The following FHIP2A variants were observed in gnomAD, a reference collection of about 807,000 sequenced individuals.
FHIP2A encodes FHF complex subunit HOOK interacting protein 2A.
FHIP2A carries 46 observed loss-of-function variants against 93.5 expected under a neutral mutation model. That is an observed-to-expected ratio of 0.49 (90% CI 0.39 to 0.63). The LOEUF is 0.63. Ranked by LOEUF, FHIP2A falls within the 20% of genes least tolerant of loss-of-function variation. The pLI is 0.00. For synonymous variants in FHIP2A, 332 were observed against 326.5 expected, an observed-to-expected ratio of 1.02 and a Z score of -0.18; for missense variants, 769 against 909.7, an observed-to-expected ratio of 0.85 and a Z score of 1.99.
intron 12 of FHIP2A, 108 bp from the exon 13 acceptor site, chr10:114,848,536 GTTA>G (rs1484899542): frequency 1.4e-5 from 9 of 654,976 alleles, no homozygotes; most frequent in Middle Eastern, 5.0e-4. Context: ...TACTTATAAA[GTTA>G]TTATTGAATT....
At chr10:114,892,368 CG>C (rs1255532977) in intron 16 of FHIP2A, among the ~76,000 whole-genome samples, 1 of 152,006 alleles carries the variant, frequency 6.6e-6, no homozygotes, top group Non-Finnish European at 1.5e-5. Context: ...TAATGAAGAC[CG>C]GGTGCGGTGG....
At chr10:114,875,700 AAAAG>A (rs1050541452) in intron 16 of FHIP2A, among the ~76,000 whole-genome samples, 30 of 151,726 alleles carry the variant, frequency 2.0e-4, no homozygotes, top group East Asian at 5.8e-4. Context: ...TCGAAAGAAA[AAAAG>A]AAAGAAAGAG....
chr10:114,870,040 C>G (rs2083849617), intron 16 of FHIP2A, among the ~76,000 whole-genome samples: 1 of 152,136 alleles, frequency 6.6e-6, no homozygotes, highest in African/African-American at 2.4e-5. Flanking sequence ...CTGGGCTGAG[C>G]ATTTTAATAT....
intron 16 of FHIP2A, among the ~76,000 whole-genome samples, chr10:114,884,206 G>A (rs1262832933): frequency 1.3e-5 from 2 of 152,156 alleles, no homozygotes; most frequent in Non-Finnish European, 2.9e-5. Flanking sequence ...AGGGAGATGG[G>A]ATGTGTATAA....
At chr10:114,851,557 T>C (rs571324560) in intron 13 of FHIP2A, among the ~76,000 whole-genome samples, 2 of 152,180 alleles carry the variant, frequency 1.3e-5, no homozygotes, top group East Asian at 1.9e-4. Context: ...CCTGTCCTTA[T>C]CCCAGCACCA....
rs531953927 is a variant in FHIP2A, at chr10:114,862,823, A to T, written c.*1283A>T. ...GCAGCACTTTCTTCTTCATCTTTCC[A>T]TTTACTGATATTTGGGGGAACAGGC... On this transcript the variant is annotated 3_prime_UTR_variant, in exon 17 of 17. Transcript: ENST00000369248. 2.0e-6 allele frequency: 2 copies of T among 985,252 alleles called. No individual in the cohort carries two copies. The highest frequency in any genetic ancestry group is 2.4e-6 in the Non-Finnish European group (2 of 829,878). 61.0% of individuals were successfully genotyped at this position (985,252 alleles called of 1,614,324 possible). A position where few individuals can be genotyped will look rare whatever the true frequency, so the allele number is the denominator to read the frequency against.
At chr10:114,892,191 T>G (rs954115958) in intron 16 of FHIP2A, among the ~76,000 whole-genome samples, 1 of 152,184 alleles carries the variant, frequency 6.6e-6, no homozygotes, top group African/African-American at 2.4e-5. Context: ...GTTTAAATTT[T>G]TATCTTTCTG....
chr10:114,842,105 T>C (rs1269327370), intron 5 of FHIP2A, among the ~76,000 whole-genome samples: 1 of 152,140 alleles, frequency 6.6e-6, no homozygotes, highest in African/African-American at 2.4e-5. Flanking sequence ...GTGCCCAGGC[T>C]GGAGTGCAGT....
intron 13 of FHIP2A, among the ~76,000 whole-genome samples, chr10:114,850,447 T>C (rs2083727881): frequency 1.3e-5 from 2 of 152,210 alleles, no homozygotes; most frequent in African/African-American, 4.8e-5. Context: ...GTCTCACACC[T>C]GTAACCCCAG....
chr10:114,890,466 T>C (rs1350786513), intron 16 of FHIP2A, among the ~76,000 whole-genome samples: 1 of 148,394 alleles, frequency 6.7e-6, no homozygotes, highest in Non-Finnish European at 1.5e-5. Flanking sequence ...TATATTTGCA[T>C]ATATTATATA....
At chr10:114,827,691 G>T (rs1253935067) in intron 1 of FHIP2A, among the ~76,000 whole-genome samples, 2 of 151,898 alleles carry the variant, frequency 1.3e-5, no homozygotes, top group Non-Finnish European at 2.9e-5. Context: ...CAGCTACTCG[G>T]GAGGCTGAGG....
At chr10:114,846,530 C>T in intron 10 of FHIP2A, 29 bp from the exon 11 acceptor site, 1 of 1,548,700 alleles carries the variant, frequency 6.5e-7, no homozygotes, top group Non-Finnish European at 8.7e-7. Flanking sequence ...AGACATTTTT[C>T]AGTTAGCTTT....
chr10:114,871,412 T>C (rs1482559046), intron 16 of FHIP2A, among the ~76,000 whole-genome samples: 1 of 152,084 alleles, frequency 6.6e-6, no homozygotes, highest in Non-Finnish European at 1.5e-5. Context: ...AGACCAGAGT[T>C]CTACATTTCT....
Position 114,862,161 on chromosome 10 carries a change from AT to A in FHIP2A, c.*622del. 2 of 906,574 alleles carry A rather than the reference AT, an allele frequency of 2.2e-6. No homozygotes were observed. Among genetic ancestry groups the A allele is most frequent in the South Asian group, 5.1e-5 (1 of 19,612 alleles). The allele number at this position is 906,574 out of a possible 1,614,324, so 56.2% of individuals were successfully genotyped here. ...ATGATAAATTCTTGATTAATATAAT[AT>A]ATCTATATTTTTAAAGAAATGTTCT... On this transcript the variant is annotated 3_prime_UTR_variant, in exon 17 of 17. Coordinates refer to ENST00000369248, the MANE Select transcript of FHIP2A (RefSeq NM_020940.4).
chr10:114,883,518 G>A (rs183706415), intron 16 of FHIP2A, among the ~76,000 whole-genome samples: 114 of 152,214 alleles, frequency 7.5e-4, no homozygotes, highest in Non-Finnish European at 1.5e-3. Context: ...TTCTATACTG[G>A]ATGAAAATAA....
At chr10:114,897,349 C>T (rs2143016725) in intron 16 of FHIP2A, among the ~76,000 whole-genome samples, 1 of 152,314 alleles carries the variant, frequency 6.6e-6, no homozygotes, top group Non-Finnish European at 1.5e-5. Context: ...ATAAATGACC[C>T]TTTATTCGGT....
In FHIP2A at chr10:114,893,917, A is replaced by C. The variant is rs546486850; in HGVS notation, c.2193-5573A>C. Reference sequence around the variant, plus strand: ...TGTACAGTCCTAATGAGAGAGAGAGACAGGAGAAAATACACCAAAATTTTA... The same window carrying C: ...TGTACAGTCCTAATGAGAGAGAGAGCCAGGAGAAAATACACCAAAATTTTA... On this transcript the variant is annotated intron_variant, in intron 16 of 16. Transcript: ENST00000369250. 2.0e-5 allele frequency among the ~76,000 whole-genome samples: 3 copies of C among 152,304 alleles called. No individual in the cohort carries two copies. In the South Asian group the frequency reaches 6.2e-4, roughly 32 times the overall value.
intron 5 of FHIP2A, among the ~76,000 whole-genome samples, chr10:114,837,547 TTTTC>T (rs1414495856): frequency 6.6e-6 from 1 of 152,136 alleles, no homozygotes; most frequent in Non-Finnish European, 1.5e-5. Context: ...AAATTTTTCT[TTTTC>T]TTTTTTTGGA....
At position 114,895,958 on chromosome 10, in the gene FHIP2A, T is replaced by A. The variant is rs1165790870; in HGVS notation, c.2193-3532T>A. Among the ~76,000 whole-genome samples, 3 of 152,160 alleles carry A rather than the reference T, an allele frequency of 2.0e-5. No individual in the cohort carries two copies. In the East Asian group the frequency reaches 5.8e-4, roughly 29 times the overall value. ...TTTATTCTCATTACTCAGCCCCAAA[T>A]CCACCCTTTATTGCCTGCTTTGTGA... On this transcript the variant is annotated intron_variant, in intron 16 of 16. Transcript: ENST00000369250.
Sources: gnomAD v4.1 joint callset for allele counts (sites outside exome capture counted in the v4.1 genomes callset) on GRCh38, gnomAD v4.1.1 for gene constraint, MANE v1.5 for transcripts, NCBI Gene and HGNC (gene_info 2026-07-23, HGNC 2026-07-21) for gene names.